NUDT1: variants seen among roughly 807,000 people sequenced by gnomAD.
The protein encoded by NUDT1 is oxidized purine nucleoside triphosphate hydrolase.
NUDT1 carries 16 observed loss-of-function variants against 11.3 expected under a neutral mutation model. The observed-to-expected ratio is 1.41, with a 90% CI of 0.96 to 2.15. NUDT1 has a LOEUF of 2.15. NUDT1 is among the 30% of genes most tolerant of loss of function. NUDT1 has a pLI of 0.00. For synonymous variants in NUDT1, 101 were observed against 84.4 expected, an observed-to-expected ratio of 1.20 and a Z score of -1.08; for missense variants, 234 against 208.4, an observed-to-expected ratio of 1.12 and a Z score of -0.76.
chr7:2,249,620 C>T (rs750826591), intron 2 of NUDT1: 5 of 570,846 alleles, frequency 8.8e-6, no homozygotes, highest in Admixed American at 2.8e-5. Context: ...ACACCATCTC[C>T]GGGCCCCTCC....
intron 2 of NUDT1, among the ~76,000 whole-genome samples, chr7:2,246,533 C>CA (rs1020921640): frequency 5.3e-5 from 8 of 152,200 alleles, no homozygotes; most frequent in African/African-American, 1.9e-4. Context: ...GGAGGAACTC[C>CA]AGGTGGCTGG....
intron 1 of NUDT1, 33 bp from the exon 2 acceptor site, chr7:2,244,530 A>C: frequency 6.7e-7 from 1 of 1,499,510 alleles, no homozygotes; most frequent in Non-Finnish European, 8.9e-7. Context: ...CACGCACGTC[A>C]TGGCTGACTC....
At chr7:2,242,813 C>T (rs1286056671) in intron 1 of NUDT1, 2 of 619,722 alleles carry the variant, frequency 3.2e-6, no homozygotes, top group Non-Finnish European at 5.9e-6. Context: ...GAAGCCCCAG[C>T]AGGCATGTGT....
intron 3 of NUDT1, 121 bp from the exon 4 acceptor site, chr7:2,250,708 T>C (rs1794978497): frequency 2.7e-6 from 2 of 754,682 alleles, no homozygotes; most frequent in Admixed American, 3.8e-5. Context: ...TCCTCCCGCC[T>C]CGGCCTCCCA....
At chr7:2,244,794 C>G in intron 2 of NUDT1, 68 bp downstream of exon 2, 4 of 1,548,300 alleles carry the variant, frequency 2.6e-6, no homozygotes, top group Non-Finnish European at 3.5e-6. Flanking sequence ...GCTGTAGGGC[C>G]ACACCCTTGG....
intron 2 of NUDT1, among the ~76,000 whole-genome samples, 154 bp downstream of exon 2, chr7:2,244,880 A>AAC (rs1328319245): frequency 6.6e-6 from 1 of 152,208 alleles, no homozygotes; most frequent in East Asian, 1.9e-4. Flanking sequence ...CAGAATGAAG[A>AAC]ACAGTCCGCA....
intron 2 of NUDT1, chr7:2,249,411 G>A (rs1014645372): frequency 5.1e-5 from 12 of 233,980 alleles, no homozygotes; most frequent in South Asian, 1.1e-4. Context: ...CCCGGCGGTC[G>A]TAACTACCGC....
chr7:2,250,297 G>C (rs34471696), intron 3 of NUDT1, among the ~76,000 whole-genome samples: 32 of 152,322 alleles, frequency 2.1e-4, no homozygotes, highest in Middle Eastern at 3.4e-3. Context: ...CAGAGAGTCA[G>C]TGTACGTTTG....
At chr7:2,243,930 C>T (rs1018783439) in intron 1 of NUDT1, among the ~76,000 whole-genome samples, 6 of 152,236 alleles carry the variant, frequency 3.9e-5, no homozygotes, top group Non-Finnish European at 7.3e-5. Context: ...CAGTGGCCCC[C>T]CTGGGTGCCA....
chr7:2,242,320 G>A, intron 1 of NUDT1, 64 bp downstream of exon 1: 1 of 722,066 alleles, frequency 1.4e-6, no homozygotes, highest in South Asian at 2.0e-5. Context: ...CCGGGCCAGC[G>A]GGCGGCAGGA....
chr7:2,246,960 G>T (rs1345795587), intron 2 of NUDT1, among the ~76,000 whole-genome samples: 1 of 152,154 alleles, frequency 6.6e-6, no homozygotes, highest in African/African-American at 2.4e-5. Context: ...CCTTCGTTGG[G>T]GAGCATCTGC....
At chr7:2,246,828 G>C (rs1794784640) in intron 2 of NUDT1, among the ~76,000 whole-genome samples, 1 of 152,132 alleles carries the variant, frequency 6.6e-6, no homozygotes, top group African/African-American at 2.4e-5. Flanking sequence ...TGTTGGCCAG[G>C]CTGGTCTTGA....
At chr7:2,243,117 TG>T in intron 1 of NUDT1, 2 of 667,372 alleles carry the variant, frequency 3.0e-6, no homozygotes, top group Admixed American at 2.2e-5. Context: ...GCCAAACTCA[TG>T]GTTCCATCAG....
intron 2 of NUDT1, chr7:2,248,217 G>C (rs1794843723): frequency 6.6e-6 from 1 of 152,254 alleles, no homozygotes; most frequent in African/African-American, 2.4e-5. Context: ...AGAAAAATTA[G>C]CCGGGCATGG....
At chr7:2,242,605 C>G (rs1794592317) in intron 1 of NUDT1, 2 of 335,132 alleles carry the variant, frequency 6.0e-6, no homozygotes, top group Non-Finnish European at 1.1e-5. Context: ...TTTACCCTGT[C>G]TGACCTGCCT....
intron 2 of NUDT1, 163 bp from the exon 3 acceptor site, chr7:2,249,694 T>A: frequency 1.2e-6 from 1 of 802,404 alleles, no homozygotes; most frequent in Non-Finnish European, 2.0e-6. Context: ...CTCAGCCAGG[T>A]CGGGACCAGA....
intron 3 of NUDT1, among the ~76,000 whole-genome samples, 169 bp from the exon 4 acceptor site, chr7:2,250,660 G>GT (rs1794971515): frequency 7.5e-6 from 1 of 132,550 alleles, no homozygotes; most frequent in Non-Finnish European, 1.7e-5. Flanking sequence ...GGGTTTCACC[G>GT]TGTTAGCCAG....
At chr7:2,242,310 C>T in intron 1 of NUDT1, 54 bp downstream of exon 1, 2 of 796,038 alleles carry the variant, frequency 2.5e-6, no homozygotes, top group East Asian at 3.3e-5. Context: ...GGGAGGGGAG[C>T]CGGGCCAGCG....
intron 2 of NUDT1, among the ~76,000 whole-genome samples, chr7:2,247,100 G>A (rs976686328): frequency 1.3e-5 from 2 of 152,154 alleles, no homozygotes; most frequent in Non-Finnish European, 2.9e-5. Context: ...CCACCAGCAC[G>A]GCCCTGGGCT....
Sources: allele counts gnomAD v4.1 joint callset (sites outside exome capture counted in the v4.1 genomes callset), GRCh38; gene constraint gnomAD v4.1.1; transcripts MANE v1.5; gene names NCBI Gene and HGNC (gene_info 2026-07-23, HGNC 2026-07-21).